The following NUMB variants were observed in gnomAD, a reference collection of about 807,000 sequenced individuals.
The protein encoded by NUMB is protein numb homolog.
NUMB carries 29 observed loss-of-function variants against 59.7 expected under a neutral mutation model. The observed-to-expected ratio is 0.49, with a 90% CI of 0.36 to 0.66. The LOEUF (loss-of-function observed/expected upper bound fraction) is 0.66. Among genes scored for constraint, NUMB ranks in the 30% least tolerant of loss-of-function variants. The pLI is 0.00. For synonymous variants in NUMB, 288 were observed against 288.2 expected (o/e 1.00, Z 0.01); for missense variants, 723 against 822.0 (o/e 0.88, Z 1.47).
At chr14:73,367,296 T>TATATATATACAC (rs1406816784) in intron 2 of NUMB, among the ~76,000 whole-genome samples, 110 of 120,960 alleles carry the variant, frequency 9.1e-4, no homozygotes, top group African/African-American at 3.7e-3. Flanking sequence ...TATATATATA[T>TATATATATACAC]ACACACACAC....
intron 2 of NUMB, among the ~76,000 whole-genome samples, chr14:73,367,348 T>TATATAGAGAGAGAGAGAGAGAG (rs1555375287): frequency 2.7e-4 from 28 of 105,308 alleles, no homozygotes; most frequent in South Asian, 5.7e-4. Flanking sequence ...TATATATATA[T>TATATAGAGAGAGAGAGAGAGAG]AGAGAGAGAG....
chr14:73,279,923 G>A (rs1023172662), intron 11 of NUMB, among the ~76,000 whole-genome samples: 2 of 152,332 alleles, frequency 1.3e-5, no homozygotes, highest in African/African-American at 4.8e-5. Flanking sequence ...TTGGGAGGCC[G>A]AGGTGGGTGG....
At position 73,277,256 on chromosome 14, in the gene NUMB, T is replaced by G; in HGVS notation, c.1278A>C (p.Pro426=). Reference sequence around the variant, plus strand: ...GTCTATGACCGGCCTGGAAGAGACCTGGAGAGGCAGCACCAGAAGATTGAC... The same window carrying G: ...GTCTATGACCGGCCTGGAAGAGACCGGGAGAGGCAGCACCAGAAGATTGAC... ...EWGQSSGAAS[P]GLFQAGHRRT... Residue 426 remains proline (P), a synonymous_variant, in exon 13 of 13, where the codon CCA becomes CCC. Transcript: ENST00000555238. 1 of 1,606,448 alleles carries G rather than the reference T, an allele frequency of 6.2e-7. No homozygotes were observed. Among genetic ancestry groups the G allele is most frequent in the Non-Finnish European group, 8.5e-7 (1 of 1,173,728 alleles).
At chr14:73,451,324 C>G (rs1172579060) in intron 1 of NUMB, among the ~76,000 whole-genome samples, 1 of 151,518 alleles carries the variant, frequency 6.6e-6, no homozygotes, top group Non-Finnish European at 1.5e-5. Flanking sequence ...GTAGTCCCAG[C>G]TATTCGGGAG....
chr14:73,345,779 G>T (rs1360816279), intron 4 of NUMB, among the ~76,000 whole-genome samples: 1 of 151,688 alleles, frequency 6.6e-6, no homozygotes, highest in Non-Finnish European at 1.5e-5. Flanking sequence ...GTGGTGGCAG[G>T]CACCTGTAAT....
At chr14:73,302,584 T>A (rs535614606) in intron 6 of NUMB, among the ~76,000 whole-genome samples, 2 of 151,660 alleles carry the variant, frequency 1.3e-5, no homozygotes, top group African/African-American at 4.8e-5. Flanking sequence ...TTTTTTTGTA[T>A]TTTTTTTGGT....
At chr14:73,321,283 TTA>T (rs770256974) in intron 5 of NUMB, among the ~76,000 whole-genome samples, 4 of 152,188 alleles carry the variant, frequency 2.6e-5, no homozygotes, top group Admixed American at 6.5e-5. Flanking sequence ...TAATAATTAT[TTA>T]TAGTTTGTTT....
intron 6 of NUMB, among the ~76,000 whole-genome samples, chr14:73,303,408 C>T (rs764200456): frequency 1.3e-5 from 2 of 151,958 alleles, no homozygotes; most frequent in African/African-American, 4.8e-5. Context: ...GGTGAAACCC[C>T]GTCTCTACTA....
At position 73,283,742 on chromosome 14, in the gene NUMB, T is replaced by C. The variant is rs17126567; in HGVS notation, c.949+339A>G. Reference sequence around the variant, plus strand: ...TAATTAATTCCCTGCTGGGTCCCAATGGCAGAATAAGAATAGAAACTTGAG... The same window carrying C: ...TAATTAATTCCCTGCTGGGTCCCAACGGCAGAATAAGAATAGAAACTTGAG... On this transcript the variant is annotated intron_variant, in intron 10 of 12. Transcript: ENST00000555238. Among the ~76,000 whole-genome samples the C allele has an allele frequency of 3.9e-3, 594 of 152,332 alleles. 1 individual carries two copies. Among genetic ancestry groups the C allele is most frequent in the African/African-American group, 0.014 (577 of 41,564 alleles).
chr14:73,387,100 TCTCGATCTCCTGAC>T (rs1469605019), intron 2 of NUMB, among the ~76,000 whole-genome samples: 1 of 151,710 alleles, frequency 6.6e-6, no homozygotes, highest in Non-Finnish European at 1.5e-5. Context: ...GCCGGGATGG[TCTCGATCTCCTGAC>T]CTCGTGATCC....
At chr14:73,287,023 G>A (rs1454465545) in intron 9 of NUMB, 87 bp downstream of exon 9, 6 of 1,273,272 alleles carry the variant, frequency 4.7e-6, no homozygotes, top group Non-Finnish European at 6.9e-6. Context: ...CTTTGATTAT[G>A]AGAAAATTTA....
intron 4 of NUMB, among the ~76,000 whole-genome samples, chr14:73,347,713 GTT>G (rs1316924669): frequency 2.6e-5 from 4 of 152,016 alleles, no homozygotes; most frequent in Non-Finnish European, 4.4e-5. Context: ...TACTCTCCAG[GTT>G]TCCCTTCGAT....
intron 1 of NUMB, among the ~76,000 whole-genome samples, chr14:73,411,423 A>G (rs1458890780): frequency 6.6e-6 from 1 of 152,152 alleles, no homozygotes; most frequent in African/African-American, 2.4e-5. Flanking sequence ...ATGCTATAAG[A>G]GGCCAATCCA....
intron 1 of NUMB, among the ~76,000 whole-genome samples, chr14:73,414,148 G>A (rs559623606): frequency 1.3e-5 from 2 of 151,740 alleles, no homozygotes; most frequent in Admixed American, 1.3e-4. Flanking sequence ...GTAGAGACGG[G>A]GTTTCACCAT....
At chr14:73,363,067 C>G (rs910640545) in intron 3 of NUMB, among the ~76,000 whole-genome samples, 1 of 151,810 alleles carries the variant, frequency 6.6e-6, no homozygotes, top group African/African-American at 2.4e-5. Context: ...AGGCTGAGGC[C>G]GGTGGATCAC....
At chr14:73,385,305 A>ATTTT (rs1374002560) in intron 2 of NUMB, among the ~76,000 whole-genome samples, 2 of 102,652 alleles carry the variant, frequency 1.9e-5, no homozygotes, top group African/African-American at 8.0e-5. Context: ...ATACCAGTTA[A>ATTTT]TTCTTTTTTT....
At chr14:73,365,611 A>AG (rs959055091) in intron 3 of NUMB, among the ~76,000 whole-genome samples, 4 of 73,960 alleles carry the variant, frequency 5.4e-5, no homozygotes, top group African/African-American at 2.1e-4. Context: ...TCTCCATAAG[A>AG]AAAAAATTAA....
chr14:73,342,893 G>A (rs544603941), intron 4 of NUMB, among the ~76,000 whole-genome samples: 2 of 152,282 alleles, frequency 1.3e-5, no homozygotes, highest in South Asian at 2.1e-4. Context: ...CACCCAGTCA[G>A]GAGTGCAGTG....
At chr14:73,293,713 C>A (rs1235994225) in intron 7 of NUMB, among the ~76,000 whole-genome samples, 1 of 152,132 alleles carries the variant, frequency 6.6e-6, no homozygotes, top group African/African-American at 2.4e-5. Context: ...TTCATAGTTT[C>A]TATTCTCTGC....
Sources: gnomAD v4.1 joint callset for allele counts (sites outside exome capture counted in the v4.1 genomes callset) on GRCh38, gnomAD v4.1.1 for gene constraint, MANE v1.5 for transcripts, NCBI Gene and HGNC (gene_info 2026-07-23, HGNC 2026-07-21) for gene names.